The following CD53 variants were observed in gnomAD, a reference collection of about 807,000 sequenced individuals.
The protein encoded by CD53 is leukocyte surface antigen CD53.
In CD53, 20 loss-of-function variants were observed where a neutral mutation model predicts 27.3. The observed-to-expected ratio is 0.73, with a 90% CI of 0.52 to 1.07. The LOEUF (loss-of-function observed/expected upper bound fraction) is 1.07, where lower values mean the gene tolerates loss of function less well. Among genes scored for constraint, CD53 ranks in the 50% least tolerant of loss-of-function variants. The pLI, the probability that CD53 is intolerant of heterozygous loss-of-function variation, is 0.00. For missense variants in CD53, 216 were observed against 264.0 expected (o/e 0.82, Z 1.26); for synonymous variants, 106 against 105.3 (o/e 1.01, Z -0.04).
chr1:110,887,126 C>T (rs543844098), intron 1 of CD53, among the ~76,000 whole-genome samples: 8 of 151,708 alleles, frequency 5.3e-5, no homozygotes, highest in South Asian at 2.1e-4. Flanking sequence ...TGCAGTGGCG[C>T]GATCTCGGCT....
rs757674182 is a variant in CD53 at position 110,894,316 on chromosome 1, C to T, written c.253-11C>T. ...GATCAGTGCTGTGAGAATGTATCTGCTTTGTCCCAGTTCTTCATCCTGCTG... is the reference window on the plus strand; with the variant it reads ...GATCAGTGCTGTGAGAATGTATCTGTTTTGTCCCAGTTCTTCATCCTGCTG... On this transcript the variant is annotated splice_polypyrimidine_tract_variant and intron_variant, in intron 3 of 7. Coordinates refer to ENST00000271324, the MANE Select transcript of CD53 (RefSeq NM_000560.4). 5.1e-5 allele frequency: 82 copies of T among 1,613,190 alleles called. No individual in the cohort carries two copies. The highest frequency in any genetic ancestry group is 6.7e-5 in the Admixed American group (4 of 60,004).
chr1:110,892,598 T>C, intron 3 of CD53, 65 bp downstream of exon 3: 1 of 1,305,496 alleles, frequency 7.7e-7, no homozygotes. Context: ...CCAGGCAAGA[T>C]GTTTCTTGGT....
intron 6 of CD53, chr1:110,897,599 C>A: frequency 2.2e-6 from 1 of 453,876 alleles, no homozygotes; most frequent in Non-Finnish European, 4.0e-6. Context: ...TTAGTTACCA[C>A]TGTAATGATA....
chr1:110,882,485 A>G (rs932322904), intron 1 of CD53, among the ~76,000 whole-genome samples: 14 of 152,056 alleles, frequency 9.2e-5, no homozygotes, highest in Non-Finnish European at 2.1e-4. Flanking sequence ...TTTTATAGAA[A>G]GCAATATAAT....
chr1:110,882,092 T>C (rs1656377299), intron 1 of CD53, among the ~76,000 whole-genome samples: 1 of 152,194 alleles, frequency 6.6e-6, no homozygotes, highest in African/African-American at 2.4e-5. Context: ...TAACAGTGTC[T>C]TTTGAAGAGC....
At chr1:110,883,315 AATTT>A (rs1656430153) in intron 1 of CD53, among the ~76,000 whole-genome samples, 3 of 151,980 alleles carry the variant, frequency 2.0e-5, no homozygotes, top group African/African-American at 7.2e-5. Context: ...TTGAGATGAT[AATTT>A]ATTTTCTCTT....
intron 1 of CD53, among the ~76,000 whole-genome samples, chr1:110,879,868 T>G (rs996242808): frequency 1.3e-5 from 2 of 152,194 alleles, no homozygotes; most frequent in Non-Finnish European, 2.9e-5. Flanking sequence ...ATGGCGAGCC[T>G]GATCGAGGTT....
chr1:110,872,078 G>T (rs966688504), upstream of CD53, among the ~76,000 whole-genome samples: 3 of 152,120 alleles, frequency 2.0e-5, no homozygotes, highest in African/African-American at 7.2e-5. Context: ...AGTCAGCACC[G>T]CAGAGTGCAT....
chr1:110,886,831 C>A (rs12737759), intron 1 of CD53, among the ~76,000 whole-genome samples: 2 of 142,330 alleles, frequency 1.4e-5, no homozygotes, highest in Non-Finnish European at 3.0e-5. Context: ...GGCAACAGAG[C>A]GAGACTCTGT....
chr1:110,899,334 C>CACTTCTCTGGTTGTAT lies in CD53; in HGVS notation c.*140_*141insCTTCTCTGGTTGTATA. ...TTTTTAGGTCCCTGTCTTATACAAC[C>CACTTCTCTGGTTGTAT]AGAGAAGTGGGTGTTGGCCAGGCAC... On this transcript the variant is annotated 3_prime_UTR_variant, in exon 8 of 8. Transcript: ENST00000271324. The CACTTCTCTGGTTGTAT allele has an allele frequency of 1.6e-6, 1 of 607,108 alleles. No individual in the cohort carries two copies. The highest frequency in any genetic ancestry group is 2.0e-5 in the South Asian group (1 of 50,500). The allele number at this position is 607,108 out of a possible 1,614,324, so 37.6% of individuals were successfully genotyped here. A position where few individuals can be genotyped will look rare whatever the true frequency, so the allele number is the denominator to read the frequency against.
At chr1:110,886,741 G>A (rs767905876) in intron 1 of CD53, among the ~76,000 whole-genome samples, 6 of 151,216 alleles carry the variant, frequency 4.0e-5, no homozygotes, top group South Asian at 2.1e-4. Context: ...CCAGCTACTC[G>A]GGAGGCTGAT....
chr1:110,894,469 G>A, intron 4 of CD53, 68 bp downstream of exon 4: 1 of 1,186,478 alleles, frequency 8.4e-7, no homozygotes, highest in South Asian at 1.2e-5. Flanking sequence ...GGAGAAGTTG[G>A]TACAAAGTTA....
rs141369048 is a variant in CD53 at position 110,888,751 on chromosome 1, C to T, written c.-17-2641C>T. Reference sequence around the variant, plus strand: ...ATATTGAAAAATTACTGATATAATCCTTTTTGTACTAAGTGTATATTTTAC... The same window carrying T: ...ATATTGAAAAATTACTGATATAATCTTTTTTGTACTAAGTGTATATTTTAC... On this transcript the variant is annotated intron_variant, in intron 1 of 7. Coordinates refer to ENST00000271324, the MANE Select transcript of CD53 (RefSeq NM_000560.4). Among the ~76,000 whole-genome samples the T allele has an allele frequency of 3.9e-3, 598 of 151,886 alleles. 1 individual carries two copies. The highest frequency in any genetic ancestry group is 0.014 in the African/African-American group (574 of 41,396).
chr1:110,877,933 G>T (rs929973799), intron 1 of CD53, among the ~76,000 whole-genome samples: 2 of 152,188 alleles, frequency 1.3e-5, no homozygotes, highest in African/African-American at 2.4e-5. Context: ...ATGAAAAATG[G>T]AAGGTCTTCT....
At chr1:110,891,937 T>C (rs545407422) in intron 2 of CD53, among the ~76,000 whole-genome samples, 3 of 152,358 alleles carry the variant, frequency 2.0e-5, no homozygotes, top group East Asian at 1.9e-4. Flanking sequence ...AAGATTATTA[T>C]AAGTTTGGCT....
chr1:110,897,515 A>G (rs1010297847), intron 6 of CD53, among the ~76,000 whole-genome samples: 3 of 152,222 alleles, frequency 2.0e-5, no homozygotes, highest in Non-Finnish European at 2.9e-5. Context: ...GTTCAAAGAC[A>G]GTAGGACGTC....
chr1:110,879,719 CT>C (rs530364843), intron 1 of CD53, among the ~76,000 whole-genome samples: 23 of 148,062 alleles, frequency 1.6e-4, no homozygotes, highest in African/African-American at 2.7e-4. Context: ...GATAGAGGTT[CT>C]TTTTTTTTTA....
chr1:110,898,572 T>A (rs182877225), intron 7 of CD53, among the ~76,000 whole-genome samples: 45 of 152,190 alleles, frequency 3.0e-4, no homozygotes, highest in Middle Eastern at 3.4e-3. Context: ...AAGGGGCTGA[T>A]GACGAAAATT....
At chr1:110,895,076 C>T (rs780601634) in intron 5 of CD53, 21 bp downstream of exon 5, 1 of 1,543,092 alleles carries the variant, frequency 6.5e-7, no homozygotes, top group Non-Finnish European at 9.0e-7. Flanking sequence ...GTGGAATCCT[C>T]TTCAGATCAG....
Sources: allele counts gnomAD v4.1 joint callset (sites outside exome capture counted in the v4.1 genomes callset), GRCh38; gene constraint gnomAD v4.1.1; transcripts MANE v1.5; gene names NCBI Gene and HGNC (gene_info 2026-07-23, HGNC 2026-07-21).